SPOCK3: variants seen among roughly 807,000 people sequenced by gnomAD.
The protein encoded by SPOCK3 is testican-3.
A neutral mutation model predicts 56.6 loss-of-function variants in SPOCK3; 30 were observed. The observed-to-expected ratio is 0.53, with a 90% CI of 0.40 to 0.72. The LOEUF (loss-of-function observed/expected upper bound fraction) is 0.72, where lower values mean the gene tolerates loss of function less well. Among genes scored for constraint, SPOCK3 ranks in the 30% least tolerant of loss-of-function variants. The pLI is 0.00. For missense variants in SPOCK3, 527 were observed against 530.0 expected, an observed-to-expected ratio of 0.99 and a Z score of 0.06; for synonymous variants, 196 against 183.3, an observed-to-expected ratio of 1.07 and a Z score of -0.56.
chr4:167,030,362 T>C (rs565445898), intron 3 of SPOCK3, among the ~76,000 whole-genome samples: 1 of 152,204 alleles, frequency 6.6e-6, no homozygotes, highest in East Asian at 1.9e-4. Context: ...CAGATTACCA[T>C]ATTTTGTTCA....
intron 3 of SPOCK3, among the ~76,000 whole-genome samples, chr4:167,034,680 A>G (rs1238435583): frequency 6.6e-6 from 1 of 152,164 alleles, no homozygotes; most frequent in Admixed American, 6.5e-5. Context: ...ATATCTGGTG[A>G]GAATTCCAAT....
rs1459278199 is a variant in SPOCK3 at position 166,813,737 on chromosome 4, C to A, written c.590-21448G>T. Reference sequence around the variant, plus strand: ...AAATTGCATATTATGAAAAAAACTGCATGGATTTCAAAATTCTTTTGTACC... The same window carrying A: ...AAATTGCATATTATGAAAAAAACTGAATGGATTTCAAAATTCTTTTGTACC... On this transcript the variant is annotated intron_variant, in intron 6 of 10. Coordinates refer to ENST00000357545, the MANE Select transcript of SPOCK3 (RefSeq NM_001040159.2). Among the ~76,000 whole-genome samples the A allele has an allele frequency of 2.6e-5, 4 of 151,652 alleles. No homozygotes were observed. In the East Asian group the frequency reaches 7.8e-4, roughly 29 times the overall value.
intron 2 of SPOCK3, among the ~76,000 whole-genome samples, chr4:167,219,040 ATATTT>A (rs1735640518): frequency 6.6e-6 from 1 of 152,138 alleles, no homozygotes; most frequent in African/African-American, 2.4e-5. Flanking sequence ...CCAAAAAAAT[ATATTT>A]TATGTCAAGG....
chr4:166,803,059 C>T (rs1742785341), intron 6 of SPOCK3, among the ~76,000 whole-genome samples: 2 of 152,132 alleles, frequency 1.3e-5, no homozygotes, highest in Admixed American at 6.5e-5. Context: ...AGCACACACA[C>T]ATGAGCACAC....
chr4:167,001,689 C>A (rs1579958451), intron 3 of SPOCK3, among the ~76,000 whole-genome samples: 1 of 151,996 alleles, frequency 6.6e-6, no homozygotes, highest in East Asian at 1.9e-4. Flanking sequence ...CACTGAGTGT[C>A]CAGATTTGGT....
At chr4:166,856,465 A>G (rs969839418) in intron 6 of SPOCK3, among the ~76,000 whole-genome samples, 1 of 152,170 alleles carries the variant, frequency 6.6e-6, no homozygotes, top group Non-Finnish European at 1.5e-5. Flanking sequence ...GTTATTTGTC[A>G]TTTAAAAATC....
chr4:166,782,660 ATAGG>A (rs1433071321), intron 7 of SPOCK3, among the ~76,000 whole-genome samples: 1 of 152,176 alleles, frequency 6.6e-6, no homozygotes, highest in Non-Finnish European at 1.5e-5. Context: ...ATATGAAAAA[ATAGG>A]TAGCATTTAA....
At chr4:167,130,989 A>T (rs1762656799) in intron 2 of SPOCK3, among the ~76,000 whole-genome samples, 1 of 152,130 alleles carries the variant, frequency 6.6e-6, no homozygotes, top group African/African-American at 2.4e-5. Context: ...GTAGAGTTCA[A>T]GACTCTAGAC....
At chr4:166,969,944 T>C (rs968796581) in intron 4 of SPOCK3, among the ~76,000 whole-genome samples, 2 of 152,212 alleles carry the variant, frequency 1.3e-5, no homozygotes, top group Admixed American at 6.5e-5. Context: ...TTATGTTTTA[T>C]TGATTTTTCT....
intron 7 of SPOCK3, among the ~76,000 whole-genome samples, chr4:166,768,025 G>T (rs56043175): frequency 0.33 from 49,423 of 150,532 alleles, 8,205 homozygotes; most frequent in Admixed American, 0.41. Context: ...TGCTTTTTTT[G>T]TTTTACATTT....
intron 4 of SPOCK3, among the ~76,000 whole-genome samples, chr4:166,964,764 G>A (rs1744524642): frequency 6.6e-6 from 1 of 151,540 alleles, no homozygotes; most frequent in Non-Finnish European, 1.5e-5. Context: ...AAAAATCAAA[G>A]AACTAAAATT....
chr4:167,109,220 A>G (rs1234697455), intron 2 of SPOCK3, among the ~76,000 whole-genome samples: 1 of 84,074 alleles, frequency 1.2e-5, no homozygotes, highest in Non-Finnish European at 2.1e-5. Flanking sequence ...TATTATATAT[A>G]GTATATAATA....
At chr4:167,213,878 C>T (rs943900134) in intron 2 of SPOCK3, among the ~76,000 whole-genome samples, 1 of 152,080 alleles carries the variant, frequency 6.6e-6, no homozygotes, top group Non-Finnish European at 1.5e-5. Context: ...TTGTAAACGT[C>T]AAGGTGGCAT....
chr4:166,824,921 T>G (rs1356107234), intron 6 of SPOCK3, among the ~76,000 whole-genome samples: 5 of 152,058 alleles, frequency 3.3e-5, no homozygotes, highest in African/African-American at 1.2e-4. Flanking sequence ...AAAAAGCAAT[T>G]TAAACCTACT....
At chr4:167,148,112 A>T (rs1260371945) in intron 2 of SPOCK3, among the ~76,000 whole-genome samples, 2 of 152,086 alleles carry the variant, frequency 1.3e-5, no homozygotes, top group Admixed American at 6.6e-5. Flanking sequence ...TCATTTCCAT[A>T]TTTCATCACT....
At chr4:167,008,925 T>C (rs2150141055) in intron 3 of SPOCK3, among the ~76,000 whole-genome samples, 1 of 152,160 alleles carries the variant, frequency 6.6e-6, no homozygotes, top group East Asian at 1.9e-4. Context: ...GTTCACTAGA[T>C]GCTAAACCCC....
At chr4:167,014,864 G>A (rs367897686) in intron 3 of SPOCK3, among the ~76,000 whole-genome samples, 2 of 151,718 alleles carry the variant, frequency 1.3e-5, no homozygotes, top group East Asian at 1.9e-4. Context: ...TCGGGTATCC[G>A]CATTCACAAA....
chr4:166,756,180 G>A (rs1418901827), intron 7 of SPOCK3, among the ~76,000 whole-genome samples: 1 of 24,252 alleles, frequency 4.1e-5, no homozygotes, highest in East Asian at 5.9e-4. Flanking sequence ...TTTTCAGACC[G>A]GCTTAAGAAA....
intron 7 of SPOCK3, among the ~76,000 whole-genome samples, chr4:166,774,082 T>A (rs1739259237): frequency 1.3e-5 from 2 of 152,220 alleles, no homozygotes; most frequent in African/African-American, 4.8e-5. Flanking sequence ...TCTAATGTTA[T>A]ATAATAATCA....
Sources: gnomAD v4.1 joint callset for allele counts (sites outside exome capture counted in the v4.1 genomes callset) on GRCh38, gnomAD v4.1.1 for gene constraint, MANE v1.5 for transcripts, NCBI Gene and HGNC (gene_info 2026-07-23, HGNC 2026-07-21) for gene names.